TCF12: variants seen among roughly 807,000 people sequenced by gnomAD.
TCF12 encodes transcription factor 12, also known as DNA-binding protein HTF4.
A neutral mutation model predicts 86.0 loss-of-function variants in TCF12; 45 were observed. That is an observed-to-expected ratio of 0.52 (90% CI 0.41 to 0.67). TCF12 has a LOEUF of 0.67. Among genes scored for constraint, TCF12 ranks in the 30% least tolerant of loss-of-function variants. The pLI is 0.00. For missense variants in TCF12, 881 were observed against 859.9 expected (o/e 1.02, Z -0.31); for synonymous variants, 330 against 299.6 (o/e 1.10, Z -1.05).
downstream of TCF12, chr15:57,291,183 C>G (rs964509567): frequency 6.6e-6 from 1 of 152,172 alleles, no homozygotes; most frequent in Non-Finnish European, 1.5e-5. Context: ...ATAGCAAAAT[C>G]TCTGGATGCT....
intron 8 of TCF12, among the ~76,000 whole-genome samples, chr15:57,230,488 A>G (rs548527680): frequency 5.7e-4 from 86 of 152,170 alleles, no homozygotes; most frequent in African/African-American, 2.0e-3. Flanking sequence ...CAAAATGTTT[A>G]TAGTTTGCTT....
intron 3 of TCF12, among the ~76,000 whole-genome samples, chr15:56,922,959 G>T (rs1237838267): frequency 6.6e-6 from 1 of 151,782 alleles, no homozygotes; most frequent in Middle Eastern, 3.2e-3. Context: ...ATAACCTTCT[G>T]CCCTGATTTC....
At chr15:57,106,423 G>C (rs1315575621) in intron 5 of TCF12, among the ~76,000 whole-genome samples, 1 of 152,186 alleles carries the variant, frequency 6.6e-6, no homozygotes, top group African/African-American at 2.4e-5. Flanking sequence ...TAAAAAGTTT[G>C]TTTAAAAAAT....
intron 4 of TCF12, among the ~76,000 whole-genome samples, chr15:57,075,600 A>G (rs1177718440): frequency 6.6e-6 from 1 of 152,026 alleles, no homozygotes; most frequent in Non-Finnish European, 1.5e-5. Flanking sequence ...AATAGAAGGA[A>G]TATTTGTTTA....
downstream of TCF12, chr15:57,290,702 G>A (rs1202449845): frequency 6.6e-6 from 1 of 152,136 alleles, no homozygotes; most frequent in African/African-American, 2.4e-5. Context: ...GAATGGCAAA[G>A]TATCAGTGTC....
intron 3 of TCF12, among the ~76,000 whole-genome samples, chr15:56,974,233 A>G (rs1027361378): frequency 6.6e-6 from 1 of 152,124 alleles, no homozygotes; most frequent in African/African-American, 2.4e-5. Flanking sequence ...ATATAGAGTA[A>G]TAAAGTATCA....
chr15:56,990,486 G>A (rs1362916517), intron 3 of TCF12, among the ~76,000 whole-genome samples: 1 of 151,832 alleles, frequency 6.6e-6, no homozygotes, highest in Non-Finnish European at 1.5e-5. Context: ...GTTTTTCTTC[G>A]TGGTGCTTAT....
intron 6 of TCF12, among the ~76,000 whole-genome samples, chr15:57,168,268 T>C (rs2055049112): frequency 6.6e-6 from 1 of 152,216 alleles, no homozygotes; most frequent in Non-Finnish European, 1.5e-5. Context: ...TGTTAAACAT[T>C]TACCAGCATA....
chr15:57,132,747 G>T (rs925808304), intron 5 of TCF12, among the ~76,000 whole-genome samples: 5 of 152,116 alleles, frequency 3.3e-5, no homozygotes, highest in African/African-American at 1.2e-4. Context: ...TAGTCAATCA[G>T]TTATTCATAA....
chr15:57,271,436 C>T (rs2440972), intron 18 of TCF12, among the ~76,000 whole-genome samples: 27,977 of 152,268 alleles, frequency 0.18, 3,165 homozygotes, highest in Non-Finnish European at 0.25. Context: ...GTTGCGAAGA[C>T]TGTGGGAAAA....
In TCF12 at chr15:57,045,638, T is replaced by C. The variant is rs2067184404; in HGVS notation, c.149-18112T>C. On this transcript the variant is annotated intron_variant, in intron 3 of 20. Transcript: ENST00000333725. ...ATGGCTCACTGCAGCTTCTACCTCC[T>C]GGGCTCAAGCGATCCTCCCACCTCA... is the stretch of plus-strand genomic sequence containing the variant. Among the ~76,000 whole-genome samples the C allele has an allele frequency of 2.0e-5, 3 of 152,130 alleles. No homozygotes were observed. In the South Asian group the frequency reaches 6.2e-4, roughly 32 times the overall value.
chr15:57,090,516 A>G (rs1327259362), intron 4 of TCF12, among the ~76,000 whole-genome samples: 2 of 152,252 alleles, frequency 1.3e-5, no homozygotes, highest in Non-Finnish European at 2.9e-5. Context: ...AGGAGTTGTG[A>G]CATGCATCTA....
chr15:56,958,800 C>G (rs1474506416), intron 3 of TCF12, among the ~76,000 whole-genome samples: 1 of 151,910 alleles, frequency 6.6e-6, no homozygotes, highest in African/African-American at 2.4e-5. Flanking sequence ...ACAGGAGGAT[C>G]ACTTGAGGCC....
intron 7 of TCF12, among the ~76,000 whole-genome samples, chr15:57,195,712 G>T (rs766667743): frequency 6.6e-6 from 1 of 152,186 alleles, no homozygotes; most frequent in Non-Finnish European, 1.5e-5. Flanking sequence ...AGTTAAATGG[G>T]TTAAACTGGG....
intron 6 of TCF12, 148 bp from the exon 7 acceptor site, chr15:57,192,010 T>A (rs1311379059): frequency 5.2e-6 from 4 of 767,368 alleles, no homozygotes; most frequent in Non-Finnish European, 8.2e-6. Flanking sequence ...CTGAAAGCAG[T>A]GGTCTAATTG....
chr15:57,217,368 A>G (rs994881908), intron 8 of TCF12, among the ~76,000 whole-genome samples: 4 of 152,112 alleles, frequency 2.6e-5, no homozygotes, highest in East Asian at 3.9e-4. Context: ...TCAGATTATC[A>G]TATAATTGCC....
At chr15:57,135,463 C>T (rs778978865) in intron 5 of TCF12, among the ~76,000 whole-genome samples, 4 of 152,016 alleles carry the variant, frequency 2.6e-5, no homozygotes, top group Non-Finnish European at 4.4e-5. Flanking sequence ...ACGGTAGTAT[C>T]CAAAATGAAT....
intron 5 of TCF12, chr15:57,118,454 A>T (rs1033004555): frequency 6.6e-6 from 1 of 151,858 alleles, no homozygotes; most frequent in Non-Finnish European, 1.5e-5. Context: ...TTCATTTGAA[A>T]TATCTTTTTT....
chr15:57,233,706 G>A (rs935462137), intron 11 of TCF12, among the ~76,000 whole-genome samples: 19 of 151,890 alleles, frequency 1.3e-4, no homozygotes, highest in African/African-American at 4.4e-4. Context: ...TGAACTCGTG[G>A]GCTCAAGAGA....
Sources: gnomAD v4.1 joint callset for allele counts (sites outside exome capture counted in the v4.1 genomes callset) on GRCh38, gnomAD v4.1.1 for gene constraint, MANE v1.5 for transcripts, NCBI Gene and HGNC (gene_info 2026-07-23, HGNC 2026-07-21) for gene names.